GRIK1: variants seen among roughly 807,000 people sequenced by gnomAD.
GRIK1 encodes the protein glutamate receptor ionotropic, kainate 1.
In GRIK1, 69 loss-of-function variants were observed where a neutral mutation model predicts 105.7. The observed-to-expected ratio is 0.65, with a 90% CI of 0.54 to 0.80. The LOEUF (loss-of-function observed/expected upper bound fraction) is 0.80. Ranked by LOEUF, GRIK1 falls within the 30% of genes least tolerant of loss-of-function variation. GRIK1 has a pLI of 0.00. For synonymous variants in GRIK1, 438 were observed against 431.3 expected (o/e 1.02, Z -0.19); for missense variants, 1,109 against 1,167.3 (o/e 0.95, Z 0.73).
chr21:29,574,735 G>A (rs190946301), intron 14 of GRIK1, among the ~76,000 whole-genome samples: 2 of 147,158 alleles, frequency 1.4e-5, no homozygotes, highest in East Asian at 4.0e-4. Flanking sequence ...TGGCCCAGGC[G>A]GGAGTGCAGT....
At position 29,750,424 on chromosome 21, in the gene GRIK1, G is replaced by A. The variant is rs189122966; in HGVS notation, c.119-56361C>T. On this transcript the variant is annotated intron_variant, in intron 1 of 17. Coordinates refer to ENST00000327783, the MANE Select transcript of GRIK1 (RefSeq NM_001330994.2). ...GCCAGAGCTCTGGGTCAACAGTGAC[G>A]ACAGGAGGCATCTGGTAGGGAGAAA... Among the ~76,000 whole-genome samples, 159 of 152,246 alleles carry A rather than the reference G, an allele frequency of 1.0e-3. 1 individual carries two copies. Among genetic ancestry groups the A allele is most frequent in the African/African-American group, 3.6e-3 (151 of 41,558 alleles).
At chr21:29,775,002 T>C (rs1169523280) in intron 1 of GRIK1, among the ~76,000 whole-genome samples, 1 of 152,130 alleles carries the variant, frequency 6.6e-6, no homozygotes, top group African/African-American at 2.4e-5. Flanking sequence ...TAGTTGATTC[T>C]TTGCTTTTAC....
chr21:29,822,620 T>C (rs968766387), intron 1 of GRIK1, among the ~76,000 whole-genome samples: 5 of 152,016 alleles, frequency 3.3e-5, no homozygotes, highest in Admixed American at 6.6e-5. Context: ...GAATTATCTA[T>C]AAAAGAAGAT....
At chr21:29,897,108 A>C (rs187076643) in intron 1 of GRIK1, among the ~76,000 whole-genome samples, 1 of 152,220 alleles carries the variant, frequency 6.6e-6, no homozygotes, top group Non-Finnish European at 1.5e-5. Flanking sequence ...GTGTGCACAT[A>C]CACACAATCT....
intron 14 of GRIK1, among the ~76,000 whole-genome samples, chr21:29,573,654 A>G (rs1406777577): frequency 1.3e-5 from 2 of 152,170 alleles, no homozygotes; most frequent in African/African-American, 4.8e-5. Context: ...GTTTGAGACC[A>G]GCCTGGCCAA....
chr21:29,715,122 G>T (rs2064148326), intron 1 of GRIK1, among the ~76,000 whole-genome samples: 1 of 152,176 alleles, frequency 6.6e-6, no homozygotes, highest in Non-Finnish European at 1.5e-5. Flanking sequence ...TTGGGTTGAA[G>T]TCCCTTCCCA....
intron 16 of GRIK1, among the ~76,000 whole-genome samples, chr21:29,550,067 G>A (rs1488371616): frequency 1.6e-5 from 2 of 123,136 alleles, no homozygotes. Flanking sequence ...AAGATGGCGT[G>A]ACTGCACTCC....
chr21:29,927,967 A>G (rs960687712), intron 1 of GRIK1, among the ~76,000 whole-genome samples: 11 of 152,182 alleles, frequency 7.2e-5, no homozygotes, highest in South Asian at 6.2e-4. Flanking sequence ...TATATACGAC[A>G]TAGAGAGAAA....
At chr21:29,791,001 G>T (rs2066398193) in intron 1 of GRIK1, among the ~76,000 whole-genome samples, 1 of 152,162 alleles carries the variant, frequency 6.6e-6, no homozygotes, top group Admixed American at 6.5e-5. Context: ...TTTAAATTGG[G>T]TGGTCTGAGT....
chr21:29,890,320 A>AT (rs1569193886), intron 1 of GRIK1, among the ~76,000 whole-genome samples: 1 of 152,120 alleles, frequency 6.6e-6, no homozygotes, highest in East Asian at 1.9e-4. Context: ...AAATAAATCA[A>AT]TTTTTCACTT....
intron 1 of GRIK1, among the ~76,000 whole-genome samples, chr21:29,928,181 G>A (rs1301388088): frequency 6.6e-6 from 1 of 152,154 alleles, no homozygotes; most frequent in Non-Finnish European, 1.5e-5. Context: ...CACATTCAAA[G>A]GGTTGGACAT....
At position 29,652,136 on chromosome 21, in the gene GRIK1, T is replaced by C. The variant is rs149667456; in HGVS notation, c.781-845A>G. Among the ~76,000 whole-genome samples the C allele has an allele frequency of 3.3e-5, 5 of 152,270 alleles. No individual in the cohort carries two copies. The East Asian group carries it at 7.7e-4, about 23-fold the overall frequency. ...AGCCTTTGGGGTATTTTGAAGAATA[T>C]TTATTTCCATTTGGTTCAATGCTTT... On this transcript the variant is annotated intron_variant, in intron 5 of 17. Coordinates refer to ENST00000327783, the MANE Select transcript of GRIK1 (RefSeq NM_001330994.2).
At chr21:29,888,200 TCTCTCTCTCTC>T (rs2069736402) in intron 1 of GRIK1, among the ~76,000 whole-genome samples, 1 of 31,604 alleles carries the variant, frequency 3.2e-5, no homozygotes. Context: ...TTTCTTTCTC[TCTCTCTCTCTC>T]TCTCTCTCTC....
chr21:29,591,040 A>T (rs879031714), intron 10 of GRIK1, 72 bp downstream of exon 10: 13 of 841,108 alleles, frequency 1.5e-5, no homozygotes, highest in Middle Eastern at 4.4e-4. Flanking sequence ...TGAAAAAGAC[A>T]GTTGAGGAAT....
At chr21:29,599,395 C>A (rs73350403) in intron 7 of GRIK1, among the ~76,000 whole-genome samples, 1 of 152,100 alleles carries the variant, frequency 6.6e-6, no homozygotes, top group Non-Finnish European at 1.5e-5. Flanking sequence ...TATGACTTAG[C>A]GTGTTTGCAC....
intron 1 of GRIK1, among the ~76,000 whole-genome samples, chr21:29,813,702 T>C (rs2067073404): frequency 6.6e-6 from 1 of 152,052 alleles, no homozygotes; most frequent in African/African-American, 2.4e-5. Flanking sequence ...AAGGTAGCAA[T>C]TCCTTCCTGG....
At chr21:29,551,129 G>T (rs2090127404) in intron 16 of GRIK1, among the ~76,000 whole-genome samples, 1 of 152,130 alleles carries the variant, frequency 6.6e-6, no homozygotes, top group Middle Eastern at 3.2e-3. Context: ...AATCTAATAG[G>T]CTTCAGAAGT....
At chr21:29,710,781 CTCCCTCCCTCCTTCCT>C (rs1281216042) in intron 1 of GRIK1, among the ~76,000 whole-genome samples, 24 of 42,974 alleles carry the variant, frequency 5.6e-4, no homozygotes, top group African/African-American at 2.4e-4. Flanking sequence ...CCCTCCCTCC[CTCCCTCCCTCCTTCCT>C]TCCTTCCTTC....
chr21:29,547,279 C>G (rs914564532), intron 16 of GRIK1, among the ~76,000 whole-genome samples: 2 of 152,154 alleles, frequency 1.3e-5, no homozygotes, highest in Non-Finnish European at 2.9e-5. Context: ...CCAGGGGAGG[C>G]CTTTCTGCCT....
Sources: gnomAD v4.1 joint callset for allele counts (sites outside exome capture counted in the v4.1 genomes callset) on GRCh38, gnomAD v4.1.1 for gene constraint, MANE v1.5 for transcripts, NCBI Gene and HGNC (gene_info 2026-07-23, HGNC 2026-07-21) for gene names.